Variants in TBL1XR1 observed in about 807,000 individuals in gnomAD.
TBL1XR1 encodes F-box-like/WD repeat-containing protein TBL1XR1.
In TBL1XR1, 5 loss-of-function variants were observed where a neutral mutation model predicts 66.9. The ratio of observed to expected loss-of-function variants is 0.07; its 90% CI spans 0.04 to 0.16. The LOEUF is 0.16. TBL1XR1 is among the 10% of genes least tolerant of loss of function. The pLI, the probability that TBL1XR1 is intolerant of heterozygous loss-of-function variation, is 1.00. For missense variants in TBL1XR1, 238 were observed against 623.2 expected (o/e 0.38, Z 6.58); for synonymous variants, 210 against 206.0 (o/e 1.02, Z -0.17).
intron 1 of TBL1XR1, among the ~76,000 whole-genome samples, chr3:177,173,529 T>C (rs1393903168): frequency 6.6e-6 from 1 of 152,114 alleles, no homozygotes; most frequent in Non-Finnish European, 1.5e-5. Context: ...AGTCTAATCA[T>C]TACAAATATC....
chr3:177,064,306 C>T (rs1047717730), intron 3 of TBL1XR1, among the ~76,000 whole-genome samples: 1 of 152,096 alleles, frequency 6.6e-6, no homozygotes, highest in African/African-American at 2.4e-5. Flanking sequence ...ACCATGTTCC[C>T]TCTTCTACTT....
intron 10 of TBL1XR1, among the ~76,000 whole-genome samples, chr3:177,040,161 A>T (rs1715380738): frequency 6.6e-6 from 1 of 152,096 alleles, no homozygotes; most frequent in Non-Finnish European, 1.5e-5. Flanking sequence ...CTAAAAAATA[A>T]AAAATTAGCC....
At chr3:177,049,940 G>A in intron 7 of TBL1XR1, 57 bp downstream of exon 7, 1 of 1,574,964 alleles carries the variant, frequency 6.3e-7, no homozygotes, top group East Asian at 2.3e-5. Flanking sequence ...TGAGTATGAG[G>A]CTCTGAGGGT....
chr3:177,119,333 C>T (rs1211509684), intron 1 of TBL1XR1, among the ~76,000 whole-genome samples: 1 of 152,140 alleles, frequency 6.6e-6, no homozygotes. Flanking sequence ...AATATTTACA[C>T]CCTACCCAAT....
chr3:177,181,298 G>A (rs965633663), intron 1 of TBL1XR1, among the ~76,000 whole-genome samples: 6 of 151,896 alleles, frequency 4.0e-5, no homozygotes, highest in East Asian at 1.9e-4. Flanking sequence ...TGGCCAACAC[G>A]GTGAAACCCC....
rs149188087 is a variant in TBL1XR1 at position 177,035,710 on chromosome 3, T to C, written c.1123-1385A>G. Among the ~76,000 whole-genome samples, 381 of 152,174 alleles carry C rather than the reference T, an allele frequency of 2.5e-3. 4 individuals carry two copies. The highest frequency in any genetic ancestry group is 6.8e-3 in the Middle Eastern group (2 of 294). ...ATTATAGGCATGAGCTGTGGCAACA[T>C]GGGGGCACTAGCTGTGGGTGTCTGC... On this transcript the variant is annotated intron_variant, in intron 12 of 15. Coordinates refer to ENST00000457928, the MANE Select transcript of TBL1XR1 (RefSeq NM_024665.7).
At chr3:177,195,930 A>C (rs1577464473) in intron 1 of TBL1XR1, among the ~76,000 whole-genome samples, 2 of 152,346 alleles carry the variant, frequency 1.3e-5, no homozygotes, top group African/African-American at 4.8e-5. Flanking sequence ...AGTAAACTCC[A>C]GACACTGAGA....
intron 3 of TBL1XR1, among the ~76,000 whole-genome samples, chr3:177,059,779 G>A (rs931179936): frequency 6.6e-6 from 1 of 152,130 alleles, no homozygotes; most frequent in Admixed American, 6.5e-5. Flanking sequence ...TATGCCAAAG[G>A]AGATTAACAT....
At chr3:177,084,935 C>G (rs73039638) in intron 2 of TBL1XR1, among the ~76,000 whole-genome samples, 2,998 of 152,298 alleles carry the variant, frequency 0.02, 111 homozygotes, top group African/African-American at 0.069. Context: ...AGCCACTACT[C>G]CATTTGTGGA....
chr3:177,115,276 T>A (rs1471695004), intron 1 of TBL1XR1, among the ~76,000 whole-genome samples: 1 of 152,170 alleles, frequency 6.6e-6, no homozygotes, highest in Non-Finnish European at 1.5e-5. Context: ...AAAAAACTGA[T>A]GATACTTTTA....
intron 2 of TBL1XR1, among the ~76,000 whole-genome samples, chr3:177,067,986 C>A (rs542616665): frequency 6.6e-6 from 1 of 152,284 alleles, no homozygotes; most frequent in African/African-American, 2.4e-5. Context: ...ATTCTGGTAT[C>A]TTTTAGAACA....
chr3:177,050,910 A>G (rs1271410100), intron 5 of TBL1XR1, among the ~76,000 whole-genome samples: 1 of 152,182 alleles, frequency 6.6e-6, no homozygotes, highest in African/African-American at 2.4e-5. Flanking sequence ...TGAATTAAAT[A>G]TAATGTCTAT....
chr3:177,134,916 A>G (rs1174439020), intron 1 of TBL1XR1, among the ~76,000 whole-genome samples: 1 of 148,320 alleles, frequency 6.7e-6, no homozygotes, highest in African/African-American at 2.5e-5. Context: ...CAATTATTAA[A>G]TATCTGTATC....
chr3:177,076,471 G>T (rs1720718081), intron 2 of TBL1XR1, among the ~76,000 whole-genome samples: 1 of 152,058 alleles, frequency 6.6e-6, no homozygotes, highest in Non-Finnish European at 1.5e-5. Context: ...TCTCTATAAG[G>T]ACCCTATTTC....
At chr3:177,197,583 C>T (rs1397049577), upstream of TBL1XR1, among the ~76,000 whole-genome samples, 1 of 137,466 alleles carries the variant, frequency 7.3e-6, no homozygotes, top group Non-Finnish European at 1.6e-5. Context: ...GCGGCGGCGG[C>T]GGCCGCGCAG....
rs142070072 is a variant in TBL1XR1 at position 177,034,865 on chromosome 3, T to C, written c.1123-540A>G. Among the ~76,000 whole-genome samples, 794 of 151,670 alleles carry C rather than the reference T, an allele frequency of 5.2e-3. 12 individuals are homozygous for C. Among genetic ancestry groups the C allele is most frequent in the African/African-American group, 0.019 (767 of 41,348 alleles). ...ATAAGCCTTTCCTGAGATGAAAATA[T>C]GCCTGTGTGTATAGATTTCAAGTGA... On this transcript the variant is annotated intron_variant, in intron 12 of 15. Coordinates refer to ENST00000457928, the MANE Select transcript of TBL1XR1 (RefSeq NM_024665.7).
chr3:177,066,365 G>A (rs566258241), intron 2 of TBL1XR1, among the ~76,000 whole-genome samples: 2 of 152,248 alleles, frequency 1.3e-5, no homozygotes, highest in East Asian at 3.9e-4. Context: ...AACACATTTA[G>A]AAGGAGTGTC....
At chr3:177,075,696 T>TA (rs1445812753) in intron 2 of TBL1XR1, among the ~76,000 whole-genome samples, 1 of 152,192 alleles carries the variant, frequency 6.6e-6, no homozygotes, top group Non-Finnish European at 1.5e-5. Flanking sequence ...CAATAAAGGT[T>TA]AAAAAATAAG....
chr3:177,165,994 G>T (rs1232549748), intron 1 of TBL1XR1, among the ~76,000 whole-genome samples: 2 of 152,150 alleles, frequency 1.3e-5, no homozygotes, highest in African/African-American at 4.8e-5. Flanking sequence ...GGAGGCTGAG[G>T]TGGGAGGATT....
Sources: gnomAD v4.1 joint callset for allele counts (sites outside exome capture counted in the v4.1 genomes callset) on GRCh38, gnomAD v4.1.1 for gene constraint, MANE v1.5 for transcripts, NCBI Gene and HGNC (gene_info 2026-07-23, HGNC 2026-07-21) for gene names.